Variants in ACYP2 observed in about 807,000 individuals in gnomAD.
ACYP2 encodes the protein acylphosphatase-2.
ACYP2 carries 12 observed loss-of-function variants against 11.2 expected under a neutral mutation model. The ratio of observed to expected loss-of-function variants is 1.08; its 90% CI spans 0.69 to 1.74. The LOEUF (loss-of-function observed/expected upper bound fraction) is 1.74. Among genes scored for constraint, ACYP2 ranks in the 40% most tolerant of loss-of-function variants. The pLI, the probability that ACYP2 is intolerant of heterozygous loss-of-function variation, is 0.00. For missense variants in ACYP2, 134 were observed against 101.9 expected, an observed-to-expected ratio of 1.31 and a Z score of -1.35; for synonymous variants, 43 against 32.2, an observed-to-expected ratio of 1.33 and a Z score of -1.13.
chr2:54,182,439 T>G (rs1683784235), intron 6 of ACYP2, among the ~76,000 whole-genome samples: 1 of 152,178 alleles, frequency 6.6e-6, no homozygotes, highest in Non-Finnish European at 1.5e-5. Context: ...CCTTCCAGGC[T>G]CAAGCACTTC....
At chr2:54,054,294 CAGAT>C (rs942946421) in intron 3 of ACYP2, among the ~76,000 whole-genome samples, 1 of 152,188 alleles carries the variant, frequency 6.6e-6, no homozygotes, top group Non-Finnish European at 1.5e-5. Context: ...GCATAAGAGA[CAGAT>C]AGTTTCTAGA....
intron 6 of ACYP2, among the ~76,000 whole-genome samples, chr2:54,241,568 C>T (rs899453019): frequency 2.0e-5 from 3 of 151,944 alleles, no homozygotes; most frequent in Non-Finnish European, 4.4e-5. Flanking sequence ...TTTTTTTCTC[C>T]TCCATGAGGT....
intron 2 of ACYP2, among the ~76,000 whole-genome samples, chr2:54,018,765 T>A (rs1236234187): frequency 6.6e-6 from 1 of 152,200 alleles, no homozygotes; most frequent in African/African-American, 2.4e-5. Flanking sequence ...ATTTCCTTTT[T>A]TAGACAGAGT....
intron 6 of ACYP2, among the ~76,000 whole-genome samples, chr2:54,187,251 A>C (rs896691167): frequency 2.0e-5 from 3 of 152,208 alleles, no homozygotes; most frequent in Non-Finnish European, 4.4e-5. Flanking sequence ...AGGGGTTCAG[A>C]TTGCAGTGTG....
intron 6 of ACYP2, among the ~76,000 whole-genome samples, chr2:54,231,321 T>C (rs1270605033): frequency 1.3e-5 from 2 of 152,224 alleles, no homozygotes; most frequent in African/African-American, 4.8e-5. Context: ...TTTGACTCTT[T>C]TCGTCAATAT....
intron 4 of ACYP2, among the ~76,000 whole-genome samples, chr2:54,069,697 A>T (rs1420103081): frequency 6.6e-6 from 1 of 152,070 alleles, no homozygotes; most frequent in Non-Finnish European, 1.5e-5. Flanking sequence ...AAAACAAAAC[A>T]AAGCAAAATA....
chr2:54,053,656 T>C (rs565561206), intron 3 of ACYP2, among the ~76,000 whole-genome samples: 3 of 152,218 alleles, frequency 2.0e-5, no homozygotes, highest in Non-Finnish European at 2.9e-5. Context: ...TAGGAACTCC[T>C]CTGCCACCAA....
chr2:54,265,375 T>G (rs1346093167), intron 6 of ACYP2, among the ~76,000 whole-genome samples: 2 of 152,100 alleles, frequency 1.3e-5, no homozygotes, highest in Non-Finnish European at 2.9e-5. Flanking sequence ...ATCACAAGAA[T>G]AGCATGGGAA....
intron 6 of ACYP2, among the ~76,000 whole-genome samples, chr2:54,244,575 T>G (rs1383456515): frequency 1.3e-5 from 2 of 152,196 alleles, no homozygotes; most frequent in African/African-American, 2.4e-5. Flanking sequence ...CATTGAGATC[T>G]ATTTCTGAAT....
At chr2:53,998,165 A>G (rs527576485) in intron 2 of ACYP2, among the ~76,000 whole-genome samples, 8 of 152,352 alleles carry the variant, frequency 5.3e-5, no homozygotes, top group African/African-American at 1.9e-4. Context: ...GTGTTGAACA[A>G]GATTTGGCAA....
At chr2:54,005,454 C>T (rs1673015044) in intron 2 of ACYP2, among the ~76,000 whole-genome samples, 1 of 152,104 alleles carries the variant, frequency 6.6e-6, no homozygotes, top group South Asian at 2.1e-4. Flanking sequence ...ATCTTCCTGC[C>T]TGTGCCTCCC....
At chr2:54,131,826 A>T (rs971575555) in intron 4 of ACYP2, among the ~76,000 whole-genome samples, 8 of 152,176 alleles carry the variant, frequency 5.3e-5, no homozygotes, top group Non-Finnish European at 1.2e-4. Context: ...TTTAGTGGGC[A>T]TAAGAATTGC....
chr2:54,090,958 A>T (rs1409118964), intron 4 of ACYP2, among the ~76,000 whole-genome samples: 4 of 152,178 alleles, frequency 2.6e-5, no homozygotes, highest in Non-Finnish European at 4.4e-5. Flanking sequence ...TACACTAGAC[A>T]TCTTTGTTTC....
At chr2:54,043,593 T>C (rs545045737) in intron 2 of ACYP2, among the ~76,000 whole-genome samples, 1 of 152,342 alleles carries the variant, frequency 6.6e-6, no homozygotes, top group East Asian at 1.9e-4. Flanking sequence ...ATTGTGCTAA[T>C]TAAAAAATTT....
chr2:54,225,970 T>G (rs1035211097), intron 6 of ACYP2, among the ~76,000 whole-genome samples: 3 of 152,214 alleles, frequency 2.0e-5, no homozygotes, highest in Non-Finnish European at 4.4e-5. Context: ...GGTACTGAAT[T>G]AAATTATCTA....
chr2:54,010,653 G>A (rs908460559), intron 2 of ACYP2, among the ~76,000 whole-genome samples: 1 of 149,202 alleles, frequency 6.7e-6, no homozygotes, highest in African/African-American at 2.5e-5. Flanking sequence ...TGGTGTTAGT[G>A]TTTGGATTAA....
chr2:54,253,319 T>A (rs544793519), intron 6 of ACYP2: 1 of 152,342 alleles, frequency 6.6e-6, no homozygotes, highest in South Asian at 2.1e-4. Flanking sequence ...CTGCCATGAA[T>A]ATCCATATCC....
chr2:54,099,627 A>G (rs1052441667), intron 4 of ACYP2, among the ~76,000 whole-genome samples: 3 of 152,048 alleles, frequency 2.0e-5, no homozygotes, highest in African/African-American at 7.3e-5. Flanking sequence ...CTTTGTTAAC[A>G]CTGTTCCATT....
intron 6 of ACYP2, among the ~76,000 whole-genome samples, chr2:54,185,225 A>G (rs1298104375): frequency 1.3e-5 from 2 of 152,182 alleles, no homozygotes; most frequent in Non-Finnish European, 2.9e-5. Context: ...GACAGGATTC[A>G]GATTAATGAC....
Sources: gnomAD v4.1 joint callset for allele counts (sites outside exome capture counted in the v4.1 genomes callset) on GRCh38, gnomAD v4.1.1 for gene constraint, MANE v1.5 for transcripts, NCBI Gene and HGNC (gene_info 2026-07-23, HGNC 2026-07-21) for gene names.